Variants in ELP1 observed in about 807,000 individuals in gnomAD.
ELP1 encodes elongator complex protein 1.
A neutral mutation model predicts 183.2 loss-of-function variants in ELP1; 131 were observed. That is an observed-to-expected ratio of 0.72 (90% CI 0.62 to 0.83). The LOEUF is 0.83. Among genes scored for constraint, ELP1 ranks in the 40% least tolerant of loss-of-function variants. ELP1 has a pLI of 0.00. For missense variants in ELP1, 1,550 were observed against 1,594.9 expected (o/e 0.97, Z 0.48); for synonymous variants, 555 against 569.0 (o/e 0.98, Z 0.35).
intron 12 of ELP1, 109 bp from the exon 13 acceptor site, chr9:108,908,513 G>C: frequency 1.3e-6 from 1 of 787,662 alleles, no homozygotes; most frequent in Non-Finnish European, 2.2e-6. Context: ...CAGCAATCTA[G>C]AAAATAATCA....
At position 108,893,978 on chromosome 9, in the gene ELP1, C is replaced by T. The variant is rs149845612; in HGVS notation, c.2825G>A (p.Arg942Gln). The change falls in exon 26 of 37, where the codon CGA becomes CAA. Residue 942 changes from arginine to glutamine, a missense_variant. Physicochemically the swap from Arg to Gln is conservative, Grantham distance 43. Coordinates refer to ENST00000374647, the MANE Select transcript of ELP1 (RefSeq NM_003640.5). ...GAGGTGGCCAATGGCTTTTTCATAT[C>T]GTTTCAAGTATTTGTCTATAGTAAA... The part of the protein sequence containing the change: ...QRFTIDKYLK[R>Q]YEKAIGHLSK... 1,315 of 1,613,196 alleles carry T rather than the reference C, an allele frequency of 8.2e-4. 2 individuals carry two copies. Among genetic ancestry groups the T allele is most frequent in the Non-Finnish European group, 1.0e-3 (1,206 of 1,179,358 alleles).
Position 108,882,200 on chromosome 9 carries a change from C to G in ELP1, c.3223-13G>C. 1 of 1,611,262 alleles carries G rather than the reference C, an allele frequency of 6.2e-7. No homozygotes were observed. The highest frequency in any genetic ancestry group is 8.5e-7 in the Non-Finnish European group (1 of 1,178,996). ...CTTCTTCATAATCCTGACAAGGGAA[C>G]AGGAAGAAGACAACAAGTGAAGAGA... On this transcript the variant is annotated splice_polypyrimidine_tract_variant and intron_variant, in intron 29 of 36. Coordinates refer to ENST00000374647, the MANE Select transcript of ELP1 (RefSeq NM_003640.5).
chr9:108,880,008 C>T (rs1393221054), intron 32 of ELP1, 44 bp downstream of exon 32: 3 of 1,233,046 alleles, frequency 2.4e-6, no homozygotes, highest in South Asian at 2.4e-5. Context: ...CGTTACCCAA[C>T]CCCACTGCCC....
chr9:108,919,434 G>GT (rs1374812092), intron 6 of ELP1, 85 bp from the exon 7 acceptor site: 2 of 897,972 alleles, frequency 2.2e-6, no homozygotes, highest in East Asian at 2.6e-5. Flanking sequence ...AGATACAGAT[G>GT]TTTTTTAAGA....
chr9:108,873,630 A>G (rs1389241186), intron 36 of ELP1, among the ~76,000 whole-genome samples: 1 of 152,208 alleles, frequency 6.6e-6, no homozygotes, highest in Non-Finnish European at 1.5e-5. Flanking sequence ...GCCAGCAACG[A>G]GGAACACAGG....
At chr9:108,869,458 G>C (rs557076325) in intron 36 of ELP1, among the ~76,000 whole-genome samples, 1 of 152,288 alleles carries the variant, frequency 6.6e-6, no homozygotes, top group African/African-American at 2.4e-5. Context: ...ACTGGTGGGA[G>C]GGGTGGTGGC....
At chr9:108,903,395 A>C (rs1195671722) in intron 15 of ELP1, among the ~76,000 whole-genome samples, 168 bp downstream of exon 15, 2 of 152,220 alleles carry the variant, frequency 1.3e-5, no homozygotes, top group African/African-American at 4.8e-5. Context: ...TTAAAAGAGG[A>C]AACAGGAGTA....
At chr9:108,922,464 C>T (rs1829678894) in intron 6 of ELP1, among the ~76,000 whole-genome samples, 1 of 152,258 alleles carries the variant, frequency 6.6e-6, no homozygotes, top group African/African-American at 2.4e-5. Flanking sequence ...ATCTAATATA[C>T]ACATATATGG....
intron 32 of ELP1, 101 bp downstream of exon 32, chr9:108,879,951 G>A (rs535193585): frequency 4.9e-6 from 4 of 808,804 alleles, no homozygotes; most frequent in Non-Finnish European, 8.7e-6. Context: ...CCATGGCACA[G>A]TAATCAGATT....
At chr9:108,872,576 G>C (rs1827499535) in intron 36 of ELP1, among the ~76,000 whole-genome samples, 1 of 151,600 alleles carries the variant, frequency 6.6e-6, no homozygotes, top group Non-Finnish European at 1.5e-5. Context: ...AGGCCGAGGC[G>C]GGTGGATCAC....
chr9:108,911,233 G>A, intron 11 of ELP1, 53 bp from the exon 12 acceptor site: 1 of 1,542,652 alleles, frequency 6.5e-7, no homozygotes. Flanking sequence ...CAATTTGTAA[G>A]ATAAGCCATC....
chr9:108,914,577 C>T (rs1383344752), intron 10 of ELP1, among the ~76,000 whole-genome samples: 1 of 152,090 alleles, frequency 6.6e-6, no homozygotes, highest in African/African-American at 2.4e-5. Context: ...CGAGAATAAA[C>T]GAGTATTATA....
chr9:108,887,596 T>G (rs982109724), intron 29 of ELP1, among the ~76,000 whole-genome samples: 1 of 152,152 alleles, frequency 6.6e-6, no homozygotes, highest in Non-Finnish European at 1.5e-5. Context: ...TAAAAACTAG[T>G]CAAGCCTTGA....
intron 27 of ELP1, among the ~76,000 whole-genome samples, chr9:108,892,064 G>T (rs951167450): frequency 1.3e-5 from 2 of 152,184 alleles, no homozygotes; most frequent in Non-Finnish European, 2.9e-5. Context: ...GATTCAGAGA[G>T]GAATACAACA....
chr9:108,882,594 CT>C (rs534835923), intron 29 of ELP1, among the ~76,000 whole-genome samples: 261 of 136,548 alleles, frequency 1.9e-3, no homozygotes, highest in Non-Finnish European at 2.2e-3. Flanking sequence ...TTTTTTTGTT[CT>C]TTTTTTTTTT....
At chr9:108,903,091 ATTATAC>A in intron 15 of ELP1, 149 bp from the exon 16 acceptor site, 2 of 462,810 alleles carry the variant, frequency 4.3e-6, no homozygotes, top group Non-Finnish European at 7.4e-6. Flanking sequence ...ATATATTTTT[ATTATAC>A]TTTAAGTTCT....
chr9:108,933,597 T>A (rs537427860), intron 1 of ELP1, among the ~76,000 whole-genome samples: 2 of 152,362 alleles, frequency 1.3e-5, no homozygotes, highest in South Asian at 4.1e-4. Flanking sequence ...TCAGCGTTAT[T>A]ATCAACCCCC....
At chr9:108,869,285 G>A in intron 36 of ELP1, 103 bp from the exon 37 acceptor site, 1 of 944,932 alleles carries the variant, frequency 1.1e-6, no homozygotes, top group Non-Finnish European at 1.7e-6. Flanking sequence ...GGAGTTTGCA[G>A]CAATAAGACC....
intron 35 of ELP1, among the ~76,000 whole-genome samples, chr9:108,876,570 C>T (rs956239104): frequency 6.6e-6 from 1 of 152,150 alleles, no homozygotes; most frequent in African/African-American, 2.4e-5. Flanking sequence ...CTCCAACCCA[C>T]CCTTCTATCC....
Sources: allele counts gnomAD v4.1 joint callset (sites outside exome capture counted in the v4.1 genomes callset), GRCh38; gene constraint gnomAD v4.1.1; transcripts MANE v1.5; gene names NCBI Gene and HGNC (gene_info 2026-07-23, HGNC 2026-07-21).